IQSEC2: variants seen among roughly 807,000 people sequenced by gnomAD.
IQSEC2 encodes IQ motif and SEC7 domain-containing protein 2.
A neutral mutation model predicts 74.6 loss-of-function variants in IQSEC2; 6 were observed. The ratio of observed to expected loss-of-function variants is 0.08; its 90% CI spans 0.04 to 0.16. The LOEUF is 0.16. Among genes scored for constraint, IQSEC2 ranks in the 10% least tolerant of loss-of-function variants. The pLI is 1.00. For synonymous variants in IQSEC2, 494 were observed against 544.5 expected (o/e 0.91, Z 1.29); for missense variants, 734 against 1,306.2 (o/e 0.56, Z 6.75).
intron 5 of IQSEC2, among the ~76,000 whole-genome samples, chrX:53,249,466 A>G (rs2074353124): frequency 8.9e-6 from 1 of 111,830 alleles, no homozygotes; most frequent in Non-Finnish European, 1.9e-5. Context: ...CTGATGCCAT[A>G]GGAGTCTCAG....
chrX:53,289,336 T>C (rs1556872515), intron 2 of IQSEC2, among the ~76,000 whole-genome samples: 1 of 110,882 alleles, frequency 9.0e-6, no homozygotes, highest in African/African-American at 3.3e-5. Flanking sequence ...CTCCTCCAAC[T>C]TCCCCAGCTC....
At chrX:53,320,382 G>A (rs4314813) in intron 1 of IQSEC2, 35 bp downstream of exon 1, 3 of 1,098,766 alleles carry the variant, frequency 2.7e-6, no homozygotes, top group Non-Finnish European at 3.7e-6. Context: ...GGGATCTAGA[G>A]GGAAGAGCCG....
intron 1 of IQSEC2, among the ~76,000 whole-genome samples, chrX:53,301,679 A>G (rs1556875527): frequency 8.9e-6 from 1 of 111,783 alleles, no homozygotes; most frequent in African/African-American, 3.3e-5. Flanking sequence ...GCTCCATATG[A>G]ACTATGGGAG....
intron 2 of IQSEC2, among the ~76,000 whole-genome samples, chrX:53,273,132 A>G (rs1169220665): frequency 9.1e-6 from 1 of 109,341 alleles, no homozygotes; most frequent in Non-Finnish European, 1.9e-5. Context: ...TTTTTCCCCT[A>G]TGACGTCATC....
Position 53,250,536 on chromosome X carries a change from C to T in IQSEC2, c.2040G>A (p.Arg680=). The T allele has an allele frequency of 8.3e-7, 1 of 1,211,833 alleles. No individual in the cohort carries two copies. The highest frequency in any genetic ancestry group is 1.1e-6 in the Non-Finnish European group (1 of 895,578). The change falls in exon 5 of 15, where the codon AGG becomes AGA. Residue 680 remains arginine (R), a synonymous_variant. Transcript: ENST00000642864. Reference sequence around the variant, plus strand: ...CGCCTGCTGCCTCGCACTTCCCCAACCTCCGACCCCCAGCCACACCACTGG... The same window carrying T: ...CGCCTGCTGCCTCGCACTTCCCCAATCTCCGACCCCCAGCCACACCACTGG... The part of the protein sequence containing the change: ...TGPSGVAGGR[R]LGKCEAAGEN...
intron 2 of IQSEC2, among the ~76,000 whole-genome samples, chrX:53,280,960 G>T (rs999942188): frequency 1.2e-4 from 14 of 112,627 alleles, no homozygotes; most frequent in Non-Finnish European, 2.1e-4. Flanking sequence ...AGGAGACATG[G>T]CTGCGGGCCA....
intron 1 of IQSEC2, among the ~76,000 whole-genome samples, chrX:53,311,556 G>C (rs797041871): frequency 1.8e-5 from 2 of 111,076 alleles, no homozygotes; most frequent in Non-Finnish European, 3.8e-5. Flanking sequence ...CCTCTAGGGG[G>C]ATCTCTCCAA....
At chrX:53,274,325 A>G (rs2074788976) in intron 2 of IQSEC2, among the ~76,000 whole-genome samples, 1 of 110,872 alleles carries the variant, frequency 9.0e-6, no homozygotes, top group African/African-American at 3.3e-5. Context: ...GGTAACTGAC[A>G]AACTAGCCCC....
downstream of IQSEC2, chrX:53,230,890 G>A: frequency 8.9e-6 from 1 of 111,899 alleles, no homozygotes; most frequent in Non-Finnish European, 1.9e-5. Context: ...TGGAGGGAGT[G>A]AGGAGCATGG....
At chrX:53,315,163 G>A in intron 1 of IQSEC2, among the ~76,000 whole-genome samples, 1 of 111,923 alleles carries the variant, frequency 8.9e-6, no homozygotes, top group East Asian at 2.8e-4. Context: ...GGCAGAGGTG[G>A]GCGGATCACC....
chrX:53,296,668 C>A (rs1205956988), intron 1 of IQSEC2, among the ~76,000 whole-genome samples: 1 of 110,784 alleles, frequency 9.0e-6, no homozygotes, highest in Admixed American at 9.6e-5. Flanking sequence ...TCAAGCGATT[C>A]TCTTGCCTCA....
chrX:53,298,719 G>T (rs1556874871), intron 1 of IQSEC2, among the ~76,000 whole-genome samples: 1 of 111,210 alleles, frequency 9.0e-6, no homozygotes, highest in African/African-American at 3.3e-5. Flanking sequence ...CCTATTGTTG[G>T]CTGTTGGAGT....
At chrX:53,305,672 A>C (rs782206450) in intron 1 of IQSEC2, among the ~76,000 whole-genome samples, 5 of 112,116 alleles carry the variant, frequency 4.5e-5, no homozygotes, top group Non-Finnish European at 7.5e-5. Flanking sequence ...ACAGCTAATA[A>C]GTAGTAGAGC....
In IQSEC2 at chrX:53,233,619, T is replaced by C. The variant is rs1264993355; in HGVS notation, c.*600A>G. On this transcript the variant is annotated 3_prime_UTR_variant, in exon 15 of 15. Coordinates refer to ENST00000642864, the MANE Select transcript of IQSEC2 (RefSeq NM_001111125.3). Reference sequence around the variant, plus strand: ...TCGAGAGAGGAAGCACTGCCCCACGTGGGGCCAACACAAGCAGGGTCCCAC... The same window carrying C: ...TCGAGAGAGGAAGCACTGCCCCACGCGGGGCCAACACAAGCAGGGTCCCAC... 3 of 241,966 alleles carry C rather than the reference T, an allele frequency of 1.2e-5. No individual in the cohort carries two copies. The highest frequency in any genetic ancestry group is 8.5e-5 in the African/African-American group (3 of 35,225). 19.9% of individuals were successfully genotyped at this position (241,966 alleles called of 1,213,427 possible). A position where few individuals can be genotyped will look rare whatever the true frequency, so the allele number is the denominator to read the frequency against.
At chrX:53,246,886 A>G in intron 8 of IQSEC2, 83 bp downstream of exon 8, 1 of 875,742 alleles carries the variant, frequency 1.1e-6, no homozygotes, top group East Asian at 3.2e-5. Context: ...TCCAAGGAAC[A>G]GATGGGATCT....
intron 2 of IQSEC2, among the ~76,000 whole-genome samples, chrX:53,286,568 G>C (rs887195685): frequency 1.8e-5 from 2 of 111,689 alleles, no homozygotes; most frequent in Non-Finnish European, 3.8e-5. Flanking sequence ...GCTGGAAAAG[G>C]TCACATAGCT....
chrX:53,275,859 ATTT>A (rs34173399), intron 2 of IQSEC2, among the ~76,000 whole-genome samples: 62 of 96,937 alleles, frequency 6.4e-4, no homozygotes, highest in Middle Eastern at 5.3e-3. Context: ...ACGCCTGGCA[ATTT>A]TTTTTTTTTT....
chrX:53,236,623 T>C lies in IQSEC2; in HGVS notation c.3278-128A>G, dbSNP rs2074134806. The C allele has an allele frequency of 6.2e-6, 5 of 804,761 alleles. No individual in the cohort carries two copies. In the South Asian group the frequency reaches 1.1e-4, roughly 18 times the overall value. 66.3% of individuals were successfully genotyped at this position (804,761 alleles called of 1,213,427 possible). On this transcript the variant is annotated intron_variant, in intron 12 of 14. Coordinates refer to ENST00000642864, the MANE Select transcript of IQSEC2 (RefSeq NM_001111125.3). ...TCCTCCCTCCCTCTGTCCCCAGGCT[T>C]CGTGTTTTGCCCCTTGGACGACCAG...
chrX:53,279,674 G>A, intron 2 of IQSEC2: 2 of 942,895 alleles, frequency 2.1e-6, no homozygotes, highest in Non-Finnish European at 3.0e-6. Flanking sequence ...GAGACAGCAA[G>A]AGACAGAGAG....
Sources: gnomAD v4.1 joint callset for allele counts (sites outside exome capture counted in the v4.1 genomes callset) on GRCh38, gnomAD v4.1.1 for gene constraint, MANE v1.5 for transcripts, NCBI Gene and HGNC (gene_info 2026-07-23, HGNC 2026-07-21) for gene names.